The following SYNPR variants were observed in gnomAD, a reference collection of about 807,000 sequenced individuals.
SYNPR encodes the protein synaptoporin.
SYNPR carries 23 observed loss-of-function variants against 32.9 expected under a neutral mutation model. The observed-to-expected ratio is 0.70, with a 90% CI of 0.50 to 0.99. The LOEUF (loss-of-function observed/expected upper bound fraction) is 0.99, where lower values mean the gene tolerates loss of function less well. Ranked by LOEUF, SYNPR falls within the 50% of genes least tolerant of loss-of-function variation. The pLI, the probability that SYNPR is intolerant of heterozygous loss-of-function variation, is 0.00. For missense variants in SYNPR, 318 were observed against 349.3 expected, an observed-to-expected ratio of 0.91 and a Z score of 0.71; for synonymous variants, 146 against 135.9, an observed-to-expected ratio of 1.07 and a Z score of -0.52.
chr3:63,587,990 T>G (rs955909956), intron 4 of SYNPR, among the ~76,000 whole-genome samples: 2 of 152,060 alleles, frequency 1.3e-5, no homozygotes, highest in Non-Finnish European at 2.9e-5. Flanking sequence ...CAAATATAGG[T>G]TACTGGTGGG....
rs76238061 is a variant in SYNPR, at chr3:63,580,433, A to C, written c.408+23692A>C. On this transcript the variant is annotated intron_variant, in intron 4 of 5. Transcript: ENST00000478300. ...AGTTAAATGGCAATGTAGACTTCAGAATAAGGTAGAGATAATACCAACAAA... is the reference window on the plus strand; with the variant it reads ...AGTTAAATGGCAATGTAGACTTCAGCATAAGGTAGAGATAATACCAACAAA... Among the ~76,000 whole-genome samples the C allele has an allele frequency of 4.9e-3, 741 of 152,326 alleles. 31 individuals carry two copies. The East Asian group carries it at 0.085, about 17-fold the overall frequency.
chr3:63,246,927 TTAAA>T lies in SYNPR; in HGVS notation n.67-5570_67-5567del, dbSNP rs202212884. On this transcript the variant is annotated intron_variant and non_coding_transcript_variant, in intron 1 of 4. Coordinates refer to the SYNPR transcript ENST00000478456. ...CTTCTTCCCAGCATTATCGTAAACA[TTAAA>T]TGACATAGTATAGGCAAAAAGTTTA... Among the ~76,000 whole-genome samples, 905 of 152,236 alleles carry T rather than the reference TTAAA, an allele frequency of 5.9e-3. 6 individuals are homozygous for T. Among genetic ancestry groups the T allele is most frequent in the African/African-American group, 0.021 (855 of 41,568 alleles).
intron 3 of SYNPR, among the ~76,000 whole-genome samples, chr3:63,514,088 C>A (rs1175287618): frequency 6.6e-6 from 1 of 152,120 alleles, no homozygotes; most frequent in East Asian, 1.9e-4. Context: ...GAGTCTGATT[C>A]TTTGATTCTT....
chr3:63,505,951 C>T lies in SYNPR; in HGVS notation c.209+24995C>T, dbSNP rs545027091. On this transcript the variant is annotated intron_variant, in intron 3 of 5. Coordinates refer to ENST00000478300, the MANE Select transcript of SYNPR (RefSeq NM_001130003.2). ...TGTCCTCTAAGATTTCCTCATTGGGCTGAAACCTCTACCCGCCGATAAATA... is the reference window on the plus strand; with the variant it reads ...TGTCCTCTAAGATTTCCTCATTGGGTTGAAACCTCTACCCGCCGATAAATA... Among the ~76,000 whole-genome samples the T allele has an allele frequency of 8.5e-4, 129 of 151,716 alleles. 1 individual carries two copies. Among genetic ancestry groups the T allele is most frequent in the Admixed American group, 1.8e-3 (28 of 15,246 alleles).
intron 3 of SYNPR, among the ~76,000 whole-genome samples, chr3:63,521,528 T>C (rs529349933): frequency 6.6e-6 from 1 of 152,276 alleles, no homozygotes; most frequent in South Asian, 2.1e-4. Context: ...ATCTCTATTT[T>C]ACAGATAAGA....
chr3:63,258,641 C>G (rs2086409570), intron 2 of SYNPR, among the ~76,000 whole-genome samples: 1 of 151,928 alleles, frequency 6.6e-6, no homozygotes, highest in African/African-American at 2.4e-5. Flanking sequence ...AATTGACACC[C>G]TAACATCACA....
intron 2 of SYNPR, among the ~76,000 whole-genome samples, chr3:63,390,525 A>AATGC (rs771609274): frequency 1.1e-4 from 16 of 152,310 alleles, no homozygotes; most frequent in Admixed American, 2.6e-4. Flanking sequence ...GTGGGGATGC[A>AATGC]ATGCCAATAG....
In SYNPR at chr3:63,294,689, A is replaced by G. The variant is rs571184393; in HGVS notation, c.84+15947A>G. 3.3e-5 allele frequency among the ~76,000 whole-genome samples: 5 copies of G among 152,150 alleles called. No individual in the cohort carries two copies. In the South Asian group the frequency reaches 1.0e-3, roughly 31 times the overall value. On this transcript the variant is annotated intron_variant, in intron 2 of 5. Coordinates refer to ENST00000478300, the MANE Select transcript of SYNPR (RefSeq NM_001130003.2). ...TATAAAAATAGATGTAATTTTTAGA[A>G]TGTCAAAGGTAATTACTGTTGTTAT...
intron 3 of SYNPR, among the ~76,000 whole-genome samples, chr3:63,483,176 C>T (rs899078692): frequency 6.6e-6 from 1 of 152,150 alleles, no homozygotes; most frequent in African/African-American, 2.4e-5. Flanking sequence ...ATGTAATATG[C>T]ATGTAATGAT....
At chr3:63,425,236 T>C (rs1010023442) in intron 2 of SYNPR, among the ~76,000 whole-genome samples, 1 of 152,202 alleles carries the variant, frequency 6.6e-6, no homozygotes, top group Non-Finnish European at 1.5e-5. Context: ...CAAATATTCA[T>C]GTGCAAAGAG....
chr3:63,442,281 C>CA (rs1232392711), intron 2 of SYNPR, among the ~76,000 whole-genome samples: 3 of 151,400 alleles, frequency 2.0e-5, no homozygotes, highest in Non-Finnish European at 1.5e-5. Flanking sequence ...AGAGGGACCT[C>CA]AAAAAAAGAC....
At chr3:63,576,801 A>G (rs6782102) in intron 4 of SYNPR, among the ~76,000 whole-genome samples, 14,444 of 151,544 alleles carry the variant, frequency 0.095, 790 homozygotes, top group Middle Eastern at 0.13. Context: ...AAAAAAAAAA[A>G]AAAGAAAGAA....
rs563300404 is a variant in SYNPR, at chr3:63,286,748, G to C, written c.84+8006G>C. Among the ~76,000 whole-genome samples the C allele has an allele frequency of 9.1e-4, 138 of 152,232 alleles. 2 individuals carry two copies. The highest frequency in any genetic ancestry group is 8.4e-4 in the Non-Finnish European group (57 of 68,020). On this transcript the variant is annotated intron_variant, in intron 2 of 5. Coordinates refer to ENST00000478300, the MANE Select transcript of SYNPR (RefSeq NM_001130003.2). ...ATTCCTGTTCAATGTACTAGCTTAG[G>C]CTCCTTTAAAGACCTCAGTTTCCTA...
chr3:63,520,970 G>A (rs1387751308), intron 3 of SYNPR, among the ~76,000 whole-genome samples: 2 of 152,252 alleles, frequency 1.3e-5, no homozygotes, highest in East Asian at 3.9e-4. Flanking sequence ...GTGTCCATTT[G>A]TGTGGAAATC....
chr3:63,450,271 C>T (rs567902197), intron 2 of SYNPR, among the ~76,000 whole-genome samples: 2 of 152,218 alleles, frequency 1.3e-5, no homozygotes, highest in South Asian at 2.1e-4. Context: ...GTTTTGAAGT[C>T]GGATGGATCA....
chr3:63,288,685 A>G (rs1303653012), intron 2 of SYNPR, among the ~76,000 whole-genome samples: 1 of 152,198 alleles, frequency 6.6e-6, no homozygotes, highest in Non-Finnish European at 1.5e-5. Flanking sequence ...TTATTCACAT[A>G]TTTGTTGGTA....
chr3:63,337,348 A>C (rs1227887192), intron 2 of SYNPR, among the ~76,000 whole-genome samples: 2 of 152,170 alleles, frequency 1.3e-5, no homozygotes, highest in Non-Finnish European at 2.9e-5. Flanking sequence ...GTTAAAATGC[A>C]AAACACTAAC....
intron 2 of SYNPR, among the ~76,000 whole-genome samples, chr3:63,394,792 A>T (rs1021510847): frequency 2.6e-5 from 4 of 152,198 alleles, no homozygotes; most frequent in Non-Finnish European, 5.9e-5. Context: ...ATGTTCAGAG[A>T]AGCAAAAGTA....
Position 63,437,905 on chromosome 3 carries a change from G to A in SYNPR, c.85-42927G>A, listed in dbSNP as rs117324051. Among the ~76,000 whole-genome samples, 223 of 152,172 alleles carry A rather than the reference G, an allele frequency of 1.5e-3. 4 individuals are homozygous for A. In the East Asian group the frequency reaches 0.033, roughly 23 times the overall value. On this transcript the variant is annotated intron_variant, in intron 2 of 5. Transcript: ENST00000478300. ...TCAAAGAAAGGGAGCTTATTGATGGGGTCCATTAGTTCAGCCTGCTGGGAC... is the reference window on the plus strand; with the variant it reads ...TCAAAGAAAGGGAGCTTATTGATGGAGTCCATTAGTTCAGCCTGCTGGGAC...
Sources: allele counts gnomAD v4.1 joint callset (sites outside exome capture counted in the v4.1 genomes callset), GRCh38; gene constraint gnomAD v4.1.1; transcripts MANE v1.5; gene names NCBI Gene and HGNC (gene_info 2026-07-23, HGNC 2026-07-21).